Variants in PARP8 observed in about 807,000 individuals in gnomAD.
PARP8 encodes protein mono-ADP-ribosyltransferase PARP8.
PARP8 carries 51 observed loss-of-function variants against 124.1 expected under a neutral mutation model. The observed-to-expected ratio is 0.41, with a 90% CI of 0.33 to 0.52. The LOEUF is 0.52. PARP8 is among the 20% of genes least tolerant of loss of function. The pLI is 0.21. For synonymous variants in PARP8, 391 were observed against 361.5 expected, an observed-to-expected ratio of 1.08 and a Z score of -0.93; for missense variants, 860 against 1,018.9, an observed-to-expected ratio of 0.84 and a Z score of 2.12.
intron 11 of PARP8, 90 bp from the exon 12 acceptor site, chr5:50,794,763 T>C: frequency 8.6e-7 from 1 of 1,156,714 alleles, no homozygotes; most frequent in South Asian, 1.5e-5. Flanking sequence ...GAATATTTAT[T>C]AGCACAGTCG....
At chr5:50,801,960 A>G (rs1423349667) in intron 14 of PARP8, among the ~76,000 whole-genome samples, 5 of 152,216 alleles carry the variant, frequency 3.3e-5, no homozygotes, top group Non-Finnish European at 7.3e-5. Flanking sequence ...TGCATGGAAT[A>G]TCTTTTTTCA....
chr5:50,835,372 A>G (rs756657555), intron 25 of PARP8, among the ~76,000 whole-genome samples: 2 of 151,930 alleles, frequency 1.3e-5, no homozygotes, highest in Non-Finnish European at 2.9e-5. Context: ...GTGAAACGCT[A>G]TCTCTACTAA....
At position 50,821,351 on chromosome 5, in the gene PARP8, C is replaced by A. The variant is rs1745745829; in HGVS notation, c.1794+13C>A. On this transcript the variant is annotated intron_variant, in intron 16 of 25. Transcript: ENST00000281631. Reference sequence around the variant, plus strand: ...CTTCAACCCCAGGGTAAGTTGTTATCATGGCACACCAATCACAAAGTTTTC... The same window carrying A: ...CTTCAACCCCAGGGTAAGTTGTTATAATGGCACACCAATCACAAAGTTTTC... 6 of 1,613,448 alleles carry A rather than the reference C, an allele frequency of 3.7e-6. No individual in the cohort carries two copies. The highest frequency in any genetic ancestry group is 5.1e-6 in the Non-Finnish European group (6 of 1,179,468).
intron 2 of PARP8, among the ~76,000 whole-genome samples, chr5:50,743,398 C>T (rs1340390072): frequency 6.6e-6 from 1 of 151,706 alleles, no homozygotes; most frequent in Non-Finnish European, 1.5e-5. Flanking sequence ...AACTGAATGG[C>T]ATTAAAGTAG....
intron 3 of PARP8, among the ~76,000 whole-genome samples, chr5:50,758,897 G>A (rs897153994): frequency 6.6e-6 from 1 of 152,170 alleles, no homozygotes; most frequent in African/African-American, 2.4e-5. Context: ...TAAGGACCCT[G>A]TAGACTAACT....
At chr5:50,720,451 TCTTC>T (rs1217426038) in intron 2 of PARP8, among the ~76,000 whole-genome samples, 1 of 152,054 alleles carries the variant, frequency 6.6e-6, no homozygotes, top group African/African-American at 2.4e-5. Context: ...TCAGCTCGCC[TCTTC>T]CTTATGGTCC....
intron 2 of PARP8, among the ~76,000 whole-genome samples, chr5:50,697,460 G>T (rs980731889): frequency 6.6e-6 from 1 of 152,074 alleles, no homozygotes; most frequent in Non-Finnish European, 1.5e-5. Flanking sequence ...AAATTAAAAG[G>T]CTTATCAATT....
At position 50,845,293 on chromosome 5, in the gene PARP8, G is replaced by A. The variant is rs1192170828; in HGVS notation, c.*3225G>A. 1 of 151,568 alleles carries A rather than the reference G, an allele frequency of 6.6e-6. No individual in the cohort carries two copies. Among genetic ancestry groups the A allele is most frequent in the Non-Finnish European group, 1.5e-5 (1 of 67,708 alleles). 9.4% of individuals were successfully genotyped at this position (151,568 alleles called of 1,614,324 possible). ...GCATGGGGTTTCAGAAAGTTTTGAC[G>A]AAAAACTCATCTTCATTAAAGAGTC... is the stretch of plus-strand genomic sequence containing the variant. On this transcript the variant is annotated 3_prime_UTR_variant, in exon 26 of 26. Transcript: ENST00000281631.
chr5:50,707,017 A>G (rs1754220449), intron 2 of PARP8, among the ~76,000 whole-genome samples: 1 of 152,092 alleles, frequency 6.6e-6, no homozygotes, highest in South Asian at 2.1e-4. Context: ...AAAAATCTAT[A>G]TAGCTGCTTT....
intron 2 of PARP8, among the ~76,000 whole-genome samples, chr5:50,698,741 A>G (rs979310218): frequency 6.6e-6 from 1 of 152,166 alleles, no homozygotes; most frequent in Non-Finnish European, 1.5e-5. Flanking sequence ...GAAAAATCTC[A>G]AAAGGAAGCC....
At chr5:50,740,392 C>T (rs1365306044) in intron 2 of PARP8, among the ~76,000 whole-genome samples, 2 of 152,046 alleles carry the variant, frequency 1.3e-5, no homozygotes, top group Non-Finnish European at 2.9e-5. Flanking sequence ...ACAACATGCT[C>T]AAGAACTGAA....
chr5:50,795,229 A>C lies in PARP8; in HGVS notation c.1240A>C (p.Asn414His). ...ACTGTTAAGCAGGTCTTACTCTAGT[A>C]ATCTCAGAATGGAAGAATTATATGG... is the stretch of plus-strand genomic sequence containing the variant. ...HKLLSRSYSS[N>H]LRMEELYGLK... Residue 414 changes from asparagine (N) to histidine (H), a missense_variant, in exon 12 of 26, where the codon AAT (asparagine) becomes CAT (histidine). Transcript: ENST00000281631. 1 of 1,614,210 alleles carries C rather than the reference A, an allele frequency of 6.2e-7. No homozygotes were observed.
chr5:50,689,286 A>G (rs1403530583), intron 2 of PARP8, among the ~76,000 whole-genome samples: 4 of 152,168 alleles, frequency 2.6e-5, no homozygotes, highest in Non-Finnish European at 5.9e-5. Flanking sequence ...TTCTACATTT[A>G]CTAACTGTAG....
At chr5:50,693,839 TATTA>T (rs1365394672) in intron 2 of PARP8, among the ~76,000 whole-genome samples, 1 of 151,446 alleles carries the variant, frequency 6.6e-6, no homozygotes, top group African/African-American at 2.4e-5. Context: ...TATTAATTTA[TATTA>T]ATTTATATAA....
chr5:50,739,738 T>A (rs1420306709), intron 2 of PARP8, among the ~76,000 whole-genome samples: 448 of 130,020 alleles, frequency 3.4e-3, no homozygotes, highest in East Asian at 0.022. Flanking sequence ...ATATATTTTT[T>A]TTTTTTTTTT....
intron 7 of PARP8, 51 bp from the exon 8 acceptor site, chr5:50,778,018 T>C: frequency 7.4e-7 from 1 of 1,351,226 alleles, no homozygotes; most frequent in Non-Finnish European, 1.0e-6. Flanking sequence ...ACACACACCA[T>C]CTTTTAAGCA....
chr5:50,689,380 G>A (rs1399367793), intron 2 of PARP8, among the ~76,000 whole-genome samples: 1 of 152,158 alleles, frequency 6.6e-6, no homozygotes, highest in Non-Finnish European at 1.5e-5. Flanking sequence ...CTTATTCTCT[G>A]TATCCATCTT....
chr5:50,744,222 A>G (rs1284271801), intron 2 of PARP8, among the ~76,000 whole-genome samples: 2 of 152,216 alleles, frequency 1.3e-5, no homozygotes, highest in Non-Finnish European at 2.9e-5. Context: ...ACTACTTTTG[A>G]AAGACTCTCC....
chr5:50,669,413 A>G (rs1156881236), intron 2 of PARP8: 3 of 152,238 alleles, frequency 2.0e-5, no homozygotes, highest in Non-Finnish European at 4.4e-5. Flanking sequence ...TAAAATATAC[A>G]AAGTGGCCCA....
Sources: gnomAD v4.1 joint callset for allele counts (sites outside exome capture counted in the v4.1 genomes callset) on GRCh38, gnomAD v4.1.1 for gene constraint, MANE v1.5 for transcripts, NCBI Gene and HGNC (gene_info 2026-07-23, HGNC 2026-07-21) for gene names.